AGAP1: variants seen among roughly 807,000 people sequenced by gnomAD.
AGAP1 encodes ArfGAP with GTPase domain, ankyrin repeat and PH domain 1.
Under a neutral mutation model 105.3 loss-of-function variants are expected in AGAP1, and 29 were observed. The ratio of observed to expected loss-of-function variants is 0.28; its 90% CI spans 0.21 to 0.38. The LOEUF is 0.38. Ranked by LOEUF, AGAP1 falls within the 10% of genes least tolerant of loss-of-function variation. The pLI is 1.00. For missense variants in AGAP1, 998 were observed against 1,165.1 expected (o/e 0.86, Z 2.09); for synonymous variants, 509 against 485.9 (o/e 1.05, Z -0.63).
At chr2:236,026,830 G>A (rs967647099) in intron 13 of AGAP1, among the ~76,000 whole-genome samples, 1 of 152,242 alleles carries the variant, frequency 6.6e-6, no homozygotes, top group Non-Finnish European at 1.5e-5. Flanking sequence ...CTCTTGGCAT[G>A]AGGAATAGGA....
At position 235,882,799 on chromosome 2, in the gene AGAP1, G is replaced by T. The variant is rs561081626; in HGVS notation, c.1051-546G>T. Among the ~76,000 whole-genome samples, 1 of 151,488 alleles carries T rather than the reference G, an allele frequency of 6.6e-6. No homozygotes were observed. The highest frequency in any genetic ancestry group is 1.5e-5 in the Non-Finnish European group (1 of 67,846). On this transcript the variant is annotated intron_variant, in intron 9 of 17. Coordinates refer to ENST00000304032, the MANE Select transcript of AGAP1 (RefSeq NM_001037131.3). This position sits in a 1 kb window ranked among gnomAD's most constrained non-coding sequence, Gnocchi z 4.6. Reference sequence around the variant, plus strand: ...CTGGTTAATGCAGTTTTTTTAGTTTGTTCTTTCTTTTTCTCTTTGTCTCTC... The same window carrying T: ...CTGGTTAATGCAGTTTTTTTAGTTTTTTCTTTCTTTTTCTCTTTGTCTCTC...
At position 235,578,800 on chromosome 2, in the gene AGAP1, A is replaced by ATT. The variant is rs58489076; in HGVS notation, c.163+83960_163+83961dup. Among the ~76,000 whole-genome samples, 19,517 of 139,430 alleles carry ATT rather than the reference A, an allele frequency of 0.14. 1,896 individuals are homozygous for ATT. The highest frequency in any genetic ancestry group is 0.21 in the Non-Finnish European group (13,500 of 65,322). The allele number at this position is 139,430 out of a possible 152,430, so 91.5% of individuals were successfully genotyped here. A position where few individuals can be genotyped will look rare whatever the true frequency, so the allele number is the denominator to read the frequency against. ...ACTCAGTCTCAAAAAAAAAAAAAAA[A>ATT]TTTTTTTTTTACAATAAGCTATTTA... On this transcript the variant is annotated intron_variant, in intron 1 of 17. Coordinates refer to ENST00000304032, the MANE Select transcript of AGAP1 (RefSeq NM_001037131.3). The surrounding 1 kb of genome is among the most constrained non-coding windows in gnomAD (Gnocchi z 4.9).
chr2:235,794,750 G>A (rs912190821), intron 6 of AGAP1, among the ~76,000 whole-genome samples: 1 of 152,148 alleles, frequency 6.6e-6, no homozygotes, highest in Non-Finnish European at 1.5e-5. Context: ...GGGATTACAG[G>A]TATGAGCCAC....
At position 235,801,477 on chromosome 2, in the gene AGAP1, A is replaced by G. The variant is rs1024974149; in HGVS notation, c.957+1955A>G. Among the ~76,000 whole-genome samples, 4 of 152,044 alleles carry G rather than the reference A, an allele frequency of 2.6e-5. No individual in the cohort carries two copies. Among genetic ancestry groups the G allele is most frequent in the South Asian group, 4.1e-4 (2 of 4,824 alleles). Reference sequence around the variant, plus strand: ...GTATCTCACATGCTTAAATTAGTGCATGGATAACATGTTTTATTGGGCAGT... The same window carrying G: ...GTATCTCACATGCTTAAATTAGTGCGTGGATAACATGTTTTATTGGGCAGT... On this transcript the variant is annotated intron_variant, in intron 8 of 17. Coordinates refer to ENST00000304032, the MANE Select transcript of AGAP1 (RefSeq NM_001037131.3). This position sits in a 1 kb window ranked among gnomAD's most constrained non-coding sequence, Gnocchi z 6.0.
intron 6 of AGAP1, among the ~76,000 whole-genome samples, chr2:235,779,470 C>T (rs1024020912): frequency 5.3e-5 from 8 of 152,338 alleles, no homozygotes; most frequent in Non-Finnish European, 1.2e-4. Flanking sequence ...CCAGGCTCTT[C>T]GAATGCCATA....
rs1439145459 is a variant in AGAP1 at position 235,789,736 on chromosome 2, C to T, written c.674-8023C>T. Among the ~76,000 whole-genome samples the T allele has an allele frequency of 2.6e-5, 4 of 152,198 alleles. No homozygotes were observed. The highest frequency in any genetic ancestry group is 5.9e-5 in the Non-Finnish European group (4 of 68,032). ...TAAGTCAACAAAGGATTACCACCCA[C>T]CGAACCCTTTCTCCTGCTGGCTTGC... On this transcript the variant is annotated intron_variant, in intron 6 of 17. Coordinates refer to ENST00000304032, the MANE Select transcript of AGAP1 (RefSeq NM_001037131.3). This position sits in a 1 kb window ranked among gnomAD's most constrained non-coding sequence, Gnocchi z 4.2.
At chr2:235,519,949 A>AT (rs998649831) in intron 1 of AGAP1, among the ~76,000 whole-genome samples, 5 of 151,844 alleles carry the variant, frequency 3.3e-5, no homozygotes, top group Non-Finnish European at 5.9e-5. Context: ...CACCTGGCTA[A>AT]TTTTTTTGTA....
chr2:236,069,844 A>T (rs1305176282), intron 16 of AGAP1, among the ~76,000 whole-genome samples: 2 of 152,230 alleles, frequency 1.3e-5, no homozygotes, highest in Admixed American at 6.5e-5. Context: ...GTTCTGATTT[A>T]TTCTTATTTA....
At chr2:236,085,215 CAAAA>C (rs144353985) in intron 16 of AGAP1, among the ~76,000 whole-genome samples, 4 of 58,390 alleles carry the variant, frequency 6.9e-5, no homozygotes, top group Non-Finnish European at 1.0e-4. Flanking sequence ...GACTCCGTCT[CAAAA>C]AAAAAAAAAA....
intron 1 of AGAP1, among the ~76,000 whole-genome samples, chr2:235,706,317 T>C (rs1437278219): frequency 6.6e-6 from 1 of 152,170 alleles, no homozygotes; most frequent in Non-Finnish European, 1.5e-5. Context: ...CTCCGCCTCC[T>C]GGGTTGATGC....
chr2:235,828,739 G>C (rs1959176015), intron 9 of AGAP1, among the ~76,000 whole-genome samples: 1 of 152,202 alleles, frequency 6.6e-6, no homozygotes, highest in South Asian at 2.1e-4. Context: ...TCCCAAGACT[G>C]TTGGGTCCAC....
rs1382304047 is a variant in AGAP1, at chr2:236,061,722, G to T, written c.2114+12441G>T. 6.6e-6 allele frequency among the ~76,000 whole-genome samples: 1 copy of T among 152,082 alleles called. No homozygotes were observed. Among genetic ancestry groups the T allele is most frequent in the Non-Finnish European group, 1.5e-5 (1 of 68,022 alleles). On this transcript the variant is annotated intron_variant, in intron 16 of 17. Transcript: ENST00000304032. This position sits in a 1 kb window ranked among gnomAD's most constrained non-coding sequence, Gnocchi z 4.1. ...AGGGAGGGGCAGTGGCGTATACGGA[G>T]TGATTGCCTAATGAGTACGAAACTT...
At position 235,586,718 on chromosome 2, in the gene AGAP1, ACAC is replaced by A. The variant is rs918822953; in HGVS notation, c.163+91870_163+91872del. Among the ~76,000 whole-genome samples the A allele has an allele frequency of 3.3e-5, 5 of 152,184 alleles. No individual in the cohort carries two copies. The highest frequency in any genetic ancestry group is 1.2e-4 in the African/African-American group (5 of 41,434). ...ACAGTACGGCTTCTATGTGTGAACA[ACAC>A]AGACCACTAAGAGATGTGACAAAGC... On this transcript the variant is annotated intron_variant, in intron 1 of 17. Transcript: ENST00000304032. The surrounding 1 kb of genome is among the most constrained non-coding windows in gnomAD (Gnocchi z 4.2).
At chr2:235,697,617 C>T (rs988399894) in intron 1 of AGAP1, among the ~76,000 whole-genome samples, 3 of 152,146 alleles carry the variant, frequency 2.0e-5, no homozygotes, top group South Asian at 2.1e-4. Flanking sequence ...GCTCTTGTGG[C>T]GAAAATTCAG....
chr2:235,885,918 T>C (rs1397996836), intron 10 of AGAP1, among the ~76,000 whole-genome samples: 2 of 152,186 alleles, frequency 1.3e-5, no homozygotes, highest in African/African-American at 4.8e-5. Context: ...TCCTGCTAGT[T>C]TAGTTTTGGA....
At chr2:235,502,321 T>C (rs573750083) in intron 1 of AGAP1, among the ~76,000 whole-genome samples, 2 of 152,282 alleles carry the variant, frequency 1.3e-5, no homozygotes, top group Non-Finnish European at 2.9e-5. Context: ...ACCAGCCAGA[T>C]AGCTTGTTTG....
chr2:236,024,783 CAATT>C (rs1357797876), intron 13 of AGAP1, among the ~76,000 whole-genome samples: 1 of 152,186 alleles, frequency 6.6e-6, no homozygotes, highest in Non-Finnish European at 1.5e-5. Flanking sequence ...AAACTGGACA[CAATT>C]AGTGTAATAT....
chr2:235,948,883 G>A (rs1300301226), intron 12 of AGAP1, among the ~76,000 whole-genome samples: 1 of 152,230 alleles, frequency 6.6e-6, no homozygotes, highest in East Asian at 1.9e-4. Flanking sequence ...TCACAGTGCT[G>A]CTCTGCAGAG....
chr2:235,686,642 TATAGATATATATA>T (rs1949437954), intron 1 of AGAP1, among the ~76,000 whole-genome samples: 1 of 45,128 alleles, frequency 2.2e-5, no homozygotes, highest in African/African-American at 1.1e-4. Flanking sequence ...TATATATATA[TATAGATATATATA>T]TATATATATA....
Sources: allele counts gnomAD v4.1 joint callset (sites outside exome capture counted in the v4.1 genomes callset), GRCh38; gene constraint gnomAD v4.1.1; non-coding constraint Gnocchi (gnomAD v3.1); transcripts MANE v1.5; gene names NCBI Gene and HGNC (gene_info 2026-07-23, HGNC 2026-07-21).